LRCH2: variants seen among roughly 807,000 people sequenced by gnomAD.
LRCH2 encodes the protein leucine rich repeats and calponin homology domain containing 2, also known as leucine-rich repeat and calponin homology domain-containing protein 2.
In LRCH2, 38 loss-of-function variants were observed where a neutral mutation model predicts 68.9. That is an observed-to-expected ratio of 0.55 (90% CI 0.43 to 0.72). The LOEUF is 0.72. Ranked by LOEUF, LRCH2 falls within the 30% of genes least tolerant of loss-of-function variation. LRCH2 has a pLI of 0.00. For synonymous variants in LRCH2, 191 were observed against 208.1 expected, an observed-to-expected ratio of 0.92 and a Z score of 0.71; for missense variants, 528 against 572.9, an observed-to-expected ratio of 0.92 and a Z score of 0.80.
At chrX:115,182,739 A>G (rs925632579) in intron 3 of LRCH2, among the ~76,000 whole-genome samples, 21 of 105,482 alleles carry the variant, frequency 2.0e-4, no homozygotes, top group African/African-American at 7.3e-4. Flanking sequence ...AGGCTGAGGC[A>G]GGAGAATTGC....
intron 1 of LRCH2, among the ~76,000 whole-genome samples, chrX:115,195,400 G>T (rs1395500117): frequency 9.2e-6 from 1 of 108,768 alleles, no homozygotes; most frequent in Non-Finnish European, 1.9e-5. Flanking sequence ...GGGCTATCAG[G>T]AAGGCCAACA....
chrX:115,149,147 C>T (rs181999383), intron 14 of LRCH2, among the ~76,000 whole-genome samples: 7 of 111,560 alleles, frequency 6.3e-5, no homozygotes, highest in Admixed American at 2.9e-4. Flanking sequence ...TTGTACTATT[C>T]ATTTGAGTCA....
At chrX:115,165,095 T>C (rs2072547257) in intron 10 of LRCH2, among the ~76,000 whole-genome samples, 1 of 110,261 alleles carries the variant, frequency 9.1e-6, no homozygotes, top group South Asian at 3.8e-4. Flanking sequence ...TACCATCTAT[T>C]GTTATGGTTG....
At chrX:115,156,710 T>G in intron 11 of LRCH2, 43 bp from the exon 12 acceptor site, 1 of 829,177 alleles carries the variant, frequency 1.2e-6, no homozygotes, top group Non-Finnish European at 1.6e-6. Context: ...CTATTAAGAA[T>G]ATTACATCAC....
intron 5 of LRCH2, among the ~76,000 whole-genome samples, chrX:115,173,184 C>T (rs782464016): frequency 3.2e-4 from 35 of 111,063 alleles, no homozygotes; most frequent in African/African-American, 1.0e-3. Flanking sequence ...ATTTAAGTGC[C>T]ATGTCCATCC....
At position 115,150,165 on chromosome X, in the gene LRCH2, T is replaced by G. The variant is rs2072421709; in HGVS notation, c.1530-95A>C. The stretch of plus-strand genomic sequence containing the variant: ...TTAGATGTTATCTTTTTAAAAACAT[T>G]GTAAAGAATTTACCCATGTCTACAC... On this transcript the variant is annotated intron_variant, in intron 12 of 20. Transcript: ENST00000317135. 5.8e-6 allele frequency: 4 copies of G among 695,498 alleles called. No individual in the cohort carries two copies. In the South Asian group the frequency reaches 1.6e-4, roughly 28 times the overall value. 57.3% of individuals were successfully genotyped at this position (695,498 alleles called of 1,213,427 possible).
At chrX:115,225,831 T>C (rs781995418) in intron 1 of LRCH2, among the ~76,000 whole-genome samples, 5 of 111,982 alleles carry the variant, frequency 4.5e-5, no homozygotes, top group Non-Finnish European at 9.4e-5. Flanking sequence ...CCAACAGACA[T>C]CTGAAGAAAG....
rs781812129 is a variant in LRCH2 at position 115,190,781 on chromosome X, G to A, written c.350-2411C>T. The A allele has an allele frequency of 2.1e-4, 244 of 1,163,516 alleles. No homozygotes were observed. Among genetic ancestry groups the A allele is most frequent in the Middle Eastern group, 2.3e-4 (1 of 4,290 alleles). ...TCCACTGATGCCCACAGCAGGGGCC[G>A]GTCCGACGACGCCTACAGTGGGGGC... On this transcript the variant is annotated intron_variant, in intron 1 of 20. Coordinates refer to ENST00000317135, the MANE Select transcript of LRCH2 (RefSeq NM_020871.4).
chrX:115,201,519 T>G (rs1409143714), intron 1 of LRCH2, among the ~76,000 whole-genome samples: 1 of 111,018 alleles, frequency 9.0e-6, no homozygotes, highest in Non-Finnish European at 1.9e-5. Flanking sequence ...GGAACATACC[T>G]GAAAAAAATA....
intron 1 of LRCH2, among the ~76,000 whole-genome samples, chrX:115,194,205 G>A (rs992130277): frequency 9.0e-6 from 1 of 110,887 alleles, no homozygotes; most frequent in African/African-American, 3.3e-5. Flanking sequence ...TTGTATAACT[G>A]GCAAAAAATA....
intron 11 of LRCH2, among the ~76,000 whole-genome samples, chrX:115,157,472 G>C (rs2072484768): frequency 1.9e-5 from 2 of 107,790 alleles, no homozygotes; most frequent in Admixed American, 1.0e-4. Context: ...ATATAAGTTG[G>C]TAATTACAGA....
chrX:115,233,798 G>A lies in LRCH2; in HGVS notation c.244C>T (p.Arg82Trp). 1 of 1,174,432 alleles carries A rather than the reference G, an allele frequency of 8.5e-7. No homozygotes were observed. The highest frequency in any genetic ancestry group is 1.1e-6 in the Non-Finnish European group (1 of 876,376). The change falls in exon 1 of 21, where the codon CGG (arginine) becomes TGG (tryptophan). Residue 82 changes from arginine to tryptophan, a missense_variant. By Grantham distance (101) the Arg-to-Trp change is moderately radical. Coordinates refer to ENST00000317135, the MANE Select transcript of LRCH2 (RefSeq NM_020871.4). ...GAGCTGCCCGCCTCTTCCAGGGCCCGGTCCAGGCTCCTCACGGTGTGCTGA... is the reference window on the plus strand; with the variant it reads ...GAGCTGCCCGCCTCTTCCAGGGCCCAGTCCAGGCTCCTCACGGTGTGCTGA... ...QPQHTVRSLD[R>W]ALEEAGSSGI...
rs782298084 is a variant in LRCH2 at position 115,128,590 on chromosome X, C to T, written c.1740+1565G>A. ...GTGGTTGACCACAGGTAACTGAAACCTTGGAAAGTGAAATGGAGAAAAAAG... is the reference window on the plus strand; with the variant it reads ...GTGGTTGACCACAGGTAACTGAAACTTTGGAAAGTGAAATGGAGAAAAAAG... On this transcript the variant is annotated intron_variant, in intron 15 of 20. Transcript: ENST00000317135. Among the ~76,000 whole-genome samples the T allele has an allele frequency of 2.7e-5, 3 of 112,176 alleles. No individual in the cohort carries two copies. The South Asian group carries it at 1.1e-3, about 42-fold the overall frequency.
intron 3 of LRCH2, among the ~76,000 whole-genome samples, chrX:115,183,074 A>G (rs1212700316): frequency 9.1e-6 from 1 of 110,288 alleles, no homozygotes; most frequent in Non-Finnish European, 1.9e-5. Context: ...GCACACGCAC[A>G]CACACACACA....
Position 115,159,478 on chromosome X carries a change from G to A in LRCH2, c.1464-2811C>T, listed in dbSNP as rs192847988. Among the ~76,000 whole-genome samples the A allele has an allele frequency of 9.5e-3, 1,045 of 110,349 alleles. 13 individuals are homozygous for A. Among genetic ancestry groups the A allele is most frequent in the African/African-American group, 0.032 (973 of 30,354 alleles). ...TTAAAAAAAAAAATTCAGGCCCGGC[G>A]CGGTGGCTCACGCCTGTAATCCCAG... On this transcript the variant is annotated intron_variant, in intron 11 of 20. Transcript: ENST00000317135.
chrX:115,199,222 A>C (rs2072913176), intron 1 of LRCH2, among the ~76,000 whole-genome samples: 1 of 112,592 alleles, frequency 8.9e-6, no homozygotes, highest in African/African-American at 3.2e-5. Flanking sequence ...ACCAAAGGCA[A>C]ACATTCCAAG....
At chrX:115,229,708 T>A (rs941999562) in intron 1 of LRCH2, among the ~76,000 whole-genome samples, 14 of 111,801 alleles carry the variant, frequency 1.3e-4, no homozygotes, top group African/African-American at 4.2e-4. Context: ...GATATTTGAA[T>A]AAGGCCACAA....
intron 1 of LRCH2, among the ~76,000 whole-genome samples, chrX:115,196,851 C>G (rs2072891161): frequency 9.0e-6 from 1 of 110,871 alleles, no homozygotes; most frequent in Admixed American, 9.6e-5. Context: ...CCCAGATGCC[C>G]AAACATGAGC....
At chrX:115,121,171 T>TAATA (rs781822005) in intron 20 of LRCH2, among the ~76,000 whole-genome samples, 1,149 of 107,718 alleles carry the variant, frequency 0.011, 11 homozygotes, top group African/African-American at 0.029. Context: ...TAAAGTATAA[T>TAATA]AATAAATAAA....
Sources: gnomAD v4.1 joint callset for allele counts (sites outside exome capture counted in the v4.1 genomes callset) on GRCh38, gnomAD v4.1.1 for gene constraint, MANE v1.5 for transcripts, NCBI Gene and HGNC (gene_info 2026-07-23, HGNC 2026-07-21) for gene names.